MID2: variants seen among roughly 807,000 people sequenced by gnomAD.
MID2 encodes midline 2.
A neutral mutation model predicts 46.1 loss-of-function variants in MID2; 13 were observed. The ratio of observed to expected loss-of-function variants is 0.28; its 90% CI spans 0.18 to 0.45. The LOEUF (loss-of-function observed/expected upper bound fraction) is 0.45, where lower values mean the gene tolerates loss of function less well. Ranked by LOEUF, MID2 falls within the 20% of genes least tolerant of loss-of-function variation. The pLI is 1.00. For missense variants in MID2, 431 were observed against 575.4 expected (o/e 0.75, Z 2.57); for synonymous variants, 199 against 212.3 (o/e 0.94, Z 0.55).
chrX:107,834,386 G>A (rs1050985557), intron 1 of MID2, among the ~76,000 whole-genome samples: 5 of 111,714 alleles, frequency 4.5e-5, no homozygotes, highest in Admixed American at 9.5e-5. Context: ...TCATCAATGC[G>A]TTTTTATGAC....
At position 107,891,662 on chromosome X, in the gene MID2, G is replaced by A. The variant is rs1214699211; in HGVS notation, c.817-12296G>A. Among the ~76,000 whole-genome samples, 2 of 111,717 alleles carry A rather than the reference G, an allele frequency of 1.8e-5. 1 individual carries two copies. Among genetic ancestry groups the A allele is most frequent in the Middle Eastern group, 8.4e-3 (2 of 237 alleles). ...ATTTCTTGACTCACAAGGTAGTTGA[G>A]ACCTCTGGAAATATGTTCTCAAGAC... On this transcript the variant is annotated intron_variant, in intron 3 of 9. Transcript: ENST00000262843.
rs1006071863 is a variant in MID2, at chrX:107,927,989, G to A, written c.*916G>A. 1.8e-5 allele frequency among the ~76,000 whole-genome samples: 2 copies of A among 111,268 alleles called. No individual in the cohort carries two copies. Among genetic ancestry groups the A allele is most frequent in the Non-Finnish European group, 3.8e-5 (2 of 52,992 alleles). ...TGGATAGAAAATTGATCAGGTAGAA[G>A]TGATGCTACCTACTTGAGGATGGCC... On this transcript the variant is annotated 3_prime_UTR_variant, in exon 10 of 10. Coordinates refer to ENST00000262843, the MANE Select transcript of MID2 (RefSeq NM_012216.4).
At chrX:107,832,305 A>T (rs1931105344) in intron 1 of MID2, among the ~76,000 whole-genome samples, 1 of 111,451 alleles carries the variant, frequency 9.0e-6, no homozygotes, top group African/African-American at 3.3e-5. Context: ...AAAAGTGAAG[A>T]CATGAGCATA....
intron 3 of MID2, among the ~76,000 whole-genome samples, chrX:107,889,970 A>G (rs1256122603): frequency 8.9e-6 from 1 of 111,827 alleles, no homozygotes; most frequent in East Asian, 2.8e-4. Flanking sequence ...CAGCTCCATC[A>G]GGTCCTTTAA....
chrX:107,916,279 T>G lies in MID2; in HGVS notation c.1201+150T>G, dbSNP rs1488802940. Reference sequence around the variant, plus strand: ...TGTGTCTTTTCAGACAGAATATATTTTAGTTCATGTAACAGAAAAAAAGAT... The same window carrying G: ...TGTGTCTTTTCAGACAGAATATATTGTAGTTCATGTAACAGAAAAAAAGAT... On this transcript the variant is annotated intron_variant, in intron 6 of 9. Transcript: ENST00000262843. 1.5e-5 allele frequency: 7 copies of G among 467,905 alleles called. No homozygotes were observed. In the South Asian group the frequency reaches 2.3e-4, roughly 15 times the overall value. The allele number at this position is 467,905 out of a possible 1,213,427, so 38.6% of individuals were successfully genotyped here.
At position 107,826,440 on chromosome X, in the gene MID2, G is replaced by T. The variant is rs1226098513; in HGVS notation, c.4+10G>T. 9 of 1,133,315 alleles carry T rather than the reference G, an allele frequency of 7.9e-6. No homozygotes were observed. Among genetic ancestry groups the T allele is most frequent in the South Asian group, 2.0e-5 (1 of 50,025 alleles). 93.4% of individuals were successfully genotyped at this position (1,133,315 alleles called of 1,213,427 possible). ...CCTGGGAACGCTATGGGTAAAACGC[G>T]CCCCCTCGCCGCGGCCCTGGAGGTC... is the stretch of plus-strand genomic sequence containing the variant. On this transcript the variant is annotated intron_variant, in intron 1 of 9. Transcript: ENST00000262843.
chrX:107,866,993 G>A (rs1212862379), intron 3 of MID2, among the ~76,000 whole-genome samples: 1 of 112,216 alleles, frequency 8.9e-6, no homozygotes, highest in Admixed American at 9.4e-5. Flanking sequence ...CAAGGGGAGT[G>A]TAGAAATGAG....
chrX:107,920,501 C>T (rs1009927522), intron 7 of MID2, among the ~76,000 whole-genome samples: 1 of 112,039 alleles, frequency 8.9e-6, no homozygotes, highest in African/African-American at 3.2e-5. Flanking sequence ...CCTAGCCAGG[C>T]GGACCATAAC....
At chrX:107,885,402 G>A (rs182122872) in intron 3 of MID2, among the ~76,000 whole-genome samples, 2,017 of 108,969 alleles carry the variant, frequency 0.019, 49 homozygotes, top group African/African-American at 0.063. Flanking sequence ...ATAGTTTGCT[G>A]AGAATGATGG....
intron 7 of MID2, among the ~76,000 whole-genome samples, chrX:107,922,665 A>G (rs1040900922): frequency 2.7e-5 from 3 of 111,650 alleles, no homozygotes; most frequent in Admixed American, 9.5e-5. Context: ...AAGCAAATAT[A>G]TGGATGTTTT....
chrX:107,878,012 GAA>G (rs367576897), intron 3 of MID2, among the ~76,000 whole-genome samples: 2 of 96,341 alleles, frequency 2.1e-5, no homozygotes, highest in African/African-American at 7.5e-5. Context: ...AAAAAGAAAG[GAA>G]AAAAAAAAAA....
At chrX:107,863,913 T>C (rs1229293404) in intron 3 of MID2, among the ~76,000 whole-genome samples, 3 of 112,348 alleles carry the variant, frequency 2.7e-5, no homozygotes, top group Admixed American at 9.4e-5. Context: ...GGCACTGTGC[T>C]AGAGACATCA....
At chrX:107,915,368 C>G (rs972822974) in intron 5 of MID2, among the ~76,000 whole-genome samples, 2 of 111,623 alleles carry the variant, frequency 1.8e-5, no homozygotes, top group African/African-American at 6.5e-5. Flanking sequence ...ACCAGCCTGG[C>G]CAACTTGGCA....
chrX:107,880,457 G>A (rs900619692), intron 3 of MID2, among the ~76,000 whole-genome samples: 1 of 110,956 alleles, frequency 9.0e-6, no homozygotes. Flanking sequence ...GGAAGGGGTG[G>A]GAGTGGTTAG....
At chrX:107,852,470 C>G (rs962705008) in intron 2 of MID2, among the ~76,000 whole-genome samples, 4 of 111,561 alleles carry the variant, frequency 3.6e-5, no homozygotes, top group Non-Finnish European at 7.5e-5. Flanking sequence ...CTTCCTTCCC[C>G]TTTTCTTTGC....
At position 107,833,543 on chromosome X, in the gene MID2, G is replaced by T. The variant is rs748066446; in HGVS notation, c.4+7113G>T. ...GGGAATACTATAACTCCTCAGGAAGGTAGTGGGAGCTCAGATACATGCTTT... is the reference window on the plus strand; with the variant it reads ...GGGAATACTATAACTCCTCAGGAAGTTAGTGGGAGCTCAGATACATGCTTT... On this transcript the variant is annotated intron_variant, in intron 1 of 9. Coordinates refer to ENST00000262843, the MANE Select transcript of MID2 (RefSeq NM_012216.4). 7.2e-4 allele frequency among the ~76,000 whole-genome samples: 79 copies of T among 109,423 alleles called. 1 individual carries two copies. The highest frequency in any genetic ancestry group is 2.6e-3 in the African/African-American group (79 of 30,136).
chrX:107,910,996 G>T (rs1015169834), intron 5 of MID2, among the ~76,000 whole-genome samples: 1 of 103,000 alleles, frequency 9.7e-6, no homozygotes, highest in African/African-American at 3.5e-5. Flanking sequence ...TGGGACTACA[G>T]GCTCACGCCA....
intron 3 of MID2, among the ~76,000 whole-genome samples, chrX:107,889,738 G>A (rs147420346): frequency 0.05 from 5,580 of 111,690 alleles, 364 homozygotes; most frequent in African/African-American, 0.17. Context: ...CATTCTCCCC[G>A]TCACTTTCAG....
Position 107,927,133 on chromosome X carries a change from C to A in MID2, c.*60C>A. On this transcript the variant is annotated 3_prime_UTR_variant, in exon 10 of 10. Coordinates refer to ENST00000262843, the MANE Select transcript of MID2 (RefSeq NM_012216.4). The stretch of plus-strand genomic sequence containing the variant: ...GTTCAGCAGTTCTTCCCCTCCTACA[C>A]CTAAGTTAGCGTTCAATATACGAGA... 1 of 1,015,069 alleles carries A rather than the reference C, an allele frequency of 9.9e-7. No individual in the cohort carries two copies. The allele number at this position is 1,015,069 out of a possible 1,213,427, so 83.7% of individuals were successfully genotyped here. A position where few individuals can be genotyped will look rare whatever the true frequency, so the allele number is the denominator to read the frequency against.
Sources: allele counts gnomAD v4.1 joint callset (sites outside exome capture counted in the v4.1 genomes callset), GRCh38; gene constraint gnomAD v4.1.1; transcripts MANE v1.5; gene names NCBI Gene and HGNC (gene_info 2026-07-23, HGNC 2026-07-21).